The following MEP1B variants were observed in gnomAD, a reference collection of about 807,000 sequenced individuals.
The protein encoded by MEP1B is meprin A subunit beta.
In MEP1B, 80 loss-of-function variants were observed where a neutral mutation model predicts 84.6. That is an observed-to-expected ratio of 0.95 (90% CI 0.79 to 1.14). MEP1B has a LOEUF of 1.14. Ranked by LOEUF, MEP1B falls within the 50% of genes most tolerant of loss-of-function variation. The pLI is 0.00. For missense variants in MEP1B, 766 were observed against 855.1 expected, an observed-to-expected ratio of 0.90 and a Z score of 1.30; for synonymous variants, 273 against 288.1, an observed-to-expected ratio of 0.95 and a Z score of 0.53.
chr18:32,213,247 T>C lies in MEP1B; in HGVS notation c.1267T>C (p.Ser423Pro). 2 of 1,614,008 alleles carry C rather than the reference T, an allele frequency of 1.2e-6. No homozygotes were observed. The highest frequency in any genetic ancestry group is 1.7e-6 in the Non-Finnish European group (2 of 1,179,876). ...GGLSIDDINLSETRCPHHIWH... is the reference protein window; with the variant it reads ...GGLSIDDINLPETRCPHHIWH... ...TCTGTCTATTGATGACATCAATCTT[T>C]CGGAAACACGGTGCCCTCATCATAT... The change falls in exon 11 of 15, where the codon TCG becomes CCG. Residue 423 changes from serine to proline, a missense_variant. Physicochemically the swap from Ser to Pro is moderately conservative, Grantham distance 74. Coordinates refer to ENST00000269202, the MANE Select transcript of MEP1B (RefSeq NM_005925.3).
chr18:32,210,732 C>T lies in MEP1B; in HGVS notation c.1135+16C>T. The stretch of plus-strand genomic sequence containing the variant: ...GAAATAAAAGGTACAATGTCAACAT[C>T]CTTATTGTCTGGATTTAAAATGAGG... On this transcript the variant is annotated intron_variant, in intron 10 of 14. Coordinates refer to ENST00000269202, the MANE Select transcript of MEP1B (RefSeq NM_005925.3). 6.3e-7 allele frequency: 1 copy of T among 1,599,398 alleles called. No homozygotes were observed. The highest frequency in any genetic ancestry group is 8.6e-7 in the Non-Finnish European group (1 of 1,168,244).
At position 32,196,729 on chromosome 18, in the gene MEP1B, G is replaced by T; in HGVS notation, c.250+1244G>T. 1 of 636,360 alleles carries T rather than the reference G, an allele frequency of 1.6e-6. No homozygotes were observed. Among genetic ancestry groups the T allele is most frequent in the Non-Finnish European group, 2.9e-6 (1 of 349,948 alleles). The allele number at this position is 636,360 out of a possible 1,614,324, so 39.4% of individuals were successfully genotyped here. A position where few individuals can be genotyped will look rare whatever the true frequency, so the allele number is the denominator to read the frequency against. On this transcript the variant is annotated intron_variant, in intron 5 of 14. Coordinates refer to ENST00000269202, the MANE Select transcript of MEP1B (RefSeq NM_005925.3). The surrounding 1 kb of genome is among the most constrained non-coding windows in gnomAD (Gnocchi z 4.4). ...AGCAGGCTGAGGGCCAGGGACAGCT[G>T]CCTGCTGGTGAAGCAGTGCAGGGCC...
chr18:32,218,027 T>C (rs868143186), intron 14 of MEP1B, 62 bp downstream of exon 14: 391 of 1,489,324 alleles, frequency 2.6e-4, no homozygotes, highest in Non-Finnish European at 3.4e-4. Flanking sequence ...GGAGAGGAAC[T>C]AGGACATTTT....
At chr18:32,215,930 C>A (rs185819247) in intron 12 of MEP1B, among the ~76,000 whole-genome samples, 1 of 137,694 alleles carries the variant, frequency 7.3e-6, no homozygotes, top group East Asian at 2.2e-4. Context: ...ACGTCTGCAT[C>A]TTACCTGTTT....
At chr18:32,197,981 T>A (rs1247153547) in intron 5 of MEP1B, among the ~76,000 whole-genome samples, 1 of 152,202 alleles carries the variant, frequency 6.6e-6, no homozygotes, top group Middle Eastern at 3.2e-3. Context: ...GGAAAACATA[T>A]GGTATTTGGA....
At chr18:32,219,810 GCACA>G (rs34525566) in intron 14 of MEP1B, among the ~76,000 whole-genome samples, 3 of 149,292 alleles carry the variant, frequency 2.0e-5, no homozygotes, top group Non-Finnish European at 4.5e-5. Flanking sequence ...AAACACACAT[GCACA>G]CACACACACA....
At position 32,196,683 on chromosome 18, in the gene MEP1B, A is replaced by G. The variant is rs965777; in HGVS notation, c.250+1198A>G. 95,156 of 656,134 alleles carry G rather than the reference A, an allele frequency of 0.15. 7,938 individuals are homozygous for G. Among genetic ancestry groups the G allele is most frequent in the African/African-American group, 0.29 (16,385 of 56,460 alleles). The allele number at this position is 656,134 out of a possible 1,614,324, so 40.6% of individuals were successfully genotyped here. A position where few individuals can be genotyped will look rare whatever the true frequency, so the allele number is the denominator to read the frequency against. The stretch of plus-strand genomic sequence containing the variant: ...GGGTGTCTTCCCCAAGCACCAGCGC[A>G]TGAGGTAGTGGGCGCCCTGCAGCAG... On this transcript the variant is annotated intron_variant, in intron 5 of 14. Coordinates refer to ENST00000269202, the MANE Select transcript of MEP1B (RefSeq NM_005925.3). This position sits in a 1 kb window ranked among gnomAD's most constrained non-coding sequence, Gnocchi z 4.4.
At chr18:32,206,353 T>C (rs1209378815) in intron 7 of MEP1B, among the ~76,000 whole-genome samples, 1 of 152,066 alleles carries the variant, frequency 6.6e-6, no homozygotes, top group African/African-American at 2.4e-5. Context: ...AAAGCCTTCT[T>C]ACTTCCATCT....
Position 32,191,642 on chromosome 18 carries a change from C to A in MEP1B, c.64-180C>A, listed in dbSNP as rs1244374939. On this transcript the variant is annotated intron_variant, in intron 1 of 14. Coordinates refer to ENST00000269202, the MANE Select transcript of MEP1B (RefSeq NM_005925.3). ...TCATTTTCCATATGAAATGAGAAGACCCTTTGGTCAAAAAGTCATCTTAAA... is the reference window on the plus strand; with the variant it reads ...TCATTTTCCATATGAAATGAGAAGAACCTTTGGTCAAAAAGTCATCTTAAA... Among the ~76,000 whole-genome samples the A allele has an allele frequency of 2.6e-5, 4 of 152,068 alleles. No homozygotes were observed. The East Asian group carries it at 7.7e-4, about 29-fold the overall frequency.
In MEP1B at chr18:32,209,469, A is replaced by G. The variant is rs7244961; in HGVS notation, c.920-1032A>G. 7.4e-3 allele frequency among the ~76,000 whole-genome samples: 1,105 copies of G among 149,722 alleles called. 20 individuals are homozygous for G. Among genetic ancestry groups the G allele is most frequent in the African/African-American group, 0.027 (1,061 of 39,760 alleles). Reference sequence around the variant, plus strand: ...ACCATTGCGTATCAGCCTGGACAACAGAGTAAGACGTTGTCTCAAAAAAAA... The same window carrying G: ...ACCATTGCGTATCAGCCTGGACAACGGAGTAAGACGTTGTCTCAAAAAAAA... On this transcript the variant is annotated intron_variant, in intron 9 of 14. Transcript: ENST00000269202.
intron 4 of MEP1B, 41 bp downstream of exon 4, chr18:32,192,858 C>T: frequency 6.7e-7 from 1 of 1,497,048 alleles, no homozygotes; most frequent in Non-Finnish European, 9.3e-7. Context: ...CCATTAACCA[C>T]TGCAAGCCAA....
Position 32,190,145 on chromosome 18 carries a change from G to C in MEP1B, c.63+12G>C, listed in dbSNP as rs2040787575. Reference sequence around the variant, plus strand: ...TGATTTCTGGCTTGGTAAGGAAACAGTATATAGAAGATAATTTAAAAATTT... The same window carrying C: ...TGATTTCTGGCTTGGTAAGGAAACACTATATAGAAGATAATTTAAAAATTT... On this transcript the variant is annotated intron_variant, in intron 1 of 14. Coordinates refer to ENST00000269202, the MANE Select transcript of MEP1B (RefSeq NM_005925.3). The C allele has an allele frequency of 1.2e-6, 2 of 1,603,908 alleles. No homozygotes were observed. Among genetic ancestry groups the C allele is most frequent in the Non-Finnish European group, 1.7e-6 (2 of 1,173,446 alleles).
intron 5 of MEP1B, 33 bp downstream of exon 5, chr18:32,195,518 T>C (rs2040844148): frequency 7.5e-7 from 1 of 1,326,326 alleles, no homozygotes; most frequent in Non-Finnish European, 1.1e-6. Context: ...CCATAACTAA[T>C]GTCTATTTCT....
At chr18:32,209,209 G>A (rs768070001) in intron 9 of MEP1B, among the ~76,000 whole-genome samples, 35 of 152,186 alleles carry the variant, frequency 2.3e-4, no homozygotes, top group Non-Finnish European at 5.0e-4. Context: ...AAATTGGGCC[G>A]GGTGCAGTGG....
At chr18:32,205,509 C>G (rs6506962) in intron 7 of MEP1B, among the ~76,000 whole-genome samples, 64,935 of 152,066 alleles carry the variant, frequency 0.43, 15,441 homozygotes, top group African/African-American at 0.64. Context: ...ATCTCAAATG[C>G]GGTCAGGCAT....
intron 7 of MEP1B, among the ~76,000 whole-genome samples, chr18:32,205,120 T>G (rs2040951289): frequency 2.6e-5 from 4 of 152,214 alleles, no homozygotes; most frequent in Non-Finnish European, 4.4e-5. Flanking sequence ...TGACAGGAAT[T>G]GTAAATCTCT....
At chr18:32,195,278 A>C in intron 4 of MEP1B, 129 bp from the exon 5 acceptor site, 1 of 630,648 alleles carries the variant, frequency 1.6e-6, no homozygotes, top group South Asian at 2.0e-5. Context: ...ACACACACAC[A>C]CACACACACA....
At chr18:32,191,935 A>ATATG in intron 2 of MEP1B, 95 bp downstream of exon 2, 2 of 735,254 alleles carry the variant, frequency 2.7e-6, no homozygotes, top group Non-Finnish European at 4.6e-6. Flanking sequence ...TAATTGATGC[A>ATATG]TAATTGCATT....
chr18:32,198,343 G>A (rs911847610), intron 5 of MEP1B, among the ~76,000 whole-genome samples: 1 of 152,158 alleles, frequency 6.6e-6, no homozygotes, highest in African/African-American at 2.4e-5. Context: ...TGCTTCAAGA[G>A]GCTGCTCTCA....
Sources: gnomAD v4.1 joint callset for allele counts (sites outside exome capture counted in the v4.1 genomes callset) on GRCh38, gnomAD v4.1.1 for gene constraint, Gnocchi (gnomAD v3.1) non-coding constraint, MANE v1.5 for transcripts, NCBI Gene and HGNC (gene_info 2026-07-23, HGNC 2026-07-21) for gene names.